LRP1B: variants seen among roughly 807,000 people sequenced by gnomAD.
The protein encoded by LRP1B is LDL receptor related protein 1B, also known as low-density lipoprotein receptor-related protein 1B.
Under a neutral mutation model 556.6 loss-of-function variants are expected in LRP1B, and 217 were observed. The ratio of observed to expected loss-of-function variants is 0.39; its 90% confidence interval spans 0.35 to 0.44. The LOEUF (loss-of-function observed/expected upper bound fraction) is 0.44, where lower values mean the gene tolerates loss of function less well. Among genes scored for constraint, LRP1B ranks in the 20% least tolerant of loss-of-function variants. The probability of loss-of-function intolerance (pLI) is 1.00; values close to 1 mark genes in which losing one functional copy is unlikely to be tolerated. For synonymous variants in LRP1B, 2,047 were observed against 1,865.8 expected, an observed-to-expected ratio of 1.10 and a Z score of -2.50; for missense variants, 5,053 against 5,620.8, an observed-to-expected ratio of 0.90 and a Z score of 3.23.
At chr2:142,053,596 A>C (rs1460322663) in intron 1 of LRP1B, among the ~76,000 whole-genome samples, 1 of 152,166 alleles carries the variant, frequency 6.6e-6, no homozygotes, top group Non-Finnish European at 1.5e-5. Context: ...TGGAACACTG[A>C]ACGTGTAGGA....
At position 141,355,567 on chromosome 2, in the gene LRP1B, T is replaced by C. The variant is rs16845894; in HGVS notation, c.344-100926A>G. Among the ~76,000 whole-genome samples, 1,112 of 152,234 alleles carry C rather than the reference T, an allele frequency of 7.3e-3. 22 individuals are homozygous for C. Among genetic ancestry groups the C allele is most frequent in the African/African-American group, 0.025 (1,055 of 41,516 alleles). On this transcript the variant is annotated intron_variant, in intron 3 of 90. Transcript: ENST00000389484. Reference sequence around the variant, plus strand: ...TTATTAAGAACTGTCAAATTTATAATCATGCTTCATGGATGAATGTTAGGA... The same window carrying C: ...TTATTAAGAACTGTCAAATTTATAACCATGCTTCATGGATGAATGTTAGGA...
At chr2:141,880,875 ATTC>A in intron 1 of LRP1B, among the ~76,000 whole-genome samples, 1 of 59,392 alleles carries the variant, frequency 1.7e-5, no homozygotes, top group South Asian at 4.6e-4. Flanking sequence ...ATGATAACTT[ATTC>A]TTATTTTGAT....
chr2:140,760,415 T>C (rs899050024), intron 35 of LRP1B, among the ~76,000 whole-genome samples: 1 of 152,128 alleles, frequency 6.6e-6, no homozygotes, highest in African/African-American at 2.4e-5. Context: ...AAGTGTACCT[T>C]GGGGTACACA....
At chr2:141,301,663 C>T (rs944658079) in intron 3 of LRP1B, among the ~76,000 whole-genome samples, 14 of 152,130 alleles carry the variant, frequency 9.2e-5, no homozygotes, top group African/African-American at 3.4e-4. Context: ...CAATTTGGAC[C>T]TGTAATAGCT....
At chr2:141,529,066 C>T (rs1360246465) in intron 2 of LRP1B, among the ~76,000 whole-genome samples, 1 of 152,166 alleles carries the variant, frequency 6.6e-6, no homozygotes, top group African/African-American at 2.4e-5. Context: ...GTGTCCGACA[C>T]TTTTTACCTG....
At chr2:141,501,675 GTAAT>G (rs1683715879) in intron 2 of LRP1B, among the ~76,000 whole-genome samples, 2 of 152,282 alleles carry the variant, frequency 1.3e-5, no homozygotes, top group African/African-American at 4.8e-5. Flanking sequence ...GCTATATACT[GTAAT>G]TAACAACCAT....
chr2:141,654,026 G>A (rs1241432165), intron 2 of LRP1B, among the ~76,000 whole-genome samples: 1 of 152,054 alleles, frequency 6.6e-6, no homozygotes, highest in African/African-American at 2.4e-5. Context: ...AAGGTTCTAA[G>A]CATGAGAAAG....
At chr2:140,994,169 T>C (rs756878222) in intron 15 of LRP1B, 34 bp from the exon 16 acceptor site, 13 of 1,590,440 alleles carry the variant, frequency 8.2e-6, no homozygotes, top group Non-Finnish European at 8.6e-6. Context: ...ATATGAATAA[T>C]GCTAGCTACA....
chr2:141,810,059 A>C (rs764933591), intron 2 of LRP1B, among the ~76,000 whole-genome samples: 1 of 151,484 alleles, frequency 6.6e-6, no homozygotes. Context: ...AAAAAAACAC[A>C]AACAAAAGGT....
intron 86 of LRP1B, among the ~76,000 whole-genome samples, chr2:140,258,634 A>C (rs995706426): frequency 2.0e-5 from 3 of 152,066 alleles, no homozygotes; most frequent in African/African-American, 7.2e-5. Flanking sequence ...TGGGTTTACT[A>C]TGTTGAAGAC....
intron 60 of LRP1B, among the ~76,000 whole-genome samples, chr2:140,460,841 C>G (rs1284744336): frequency 6.6e-6 from 1 of 151,942 alleles, no homozygotes; most frequent in African/African-American, 2.4e-5. Context: ...CTATATCTTT[C>G]AGAAGAAAAG....
chr2:140,701,639 T>G (rs1686645022), intron 40 of LRP1B, 82 bp downstream of exon 40: 2 of 1,385,212 alleles, frequency 1.4e-6, no homozygotes, highest in East Asian at 4.7e-5. Flanking sequence ...ATAGAAGAAT[T>G]TCTAAGTTTG....
chr2:141,307,454 T>A (rs909542008), intron 3 of LRP1B, among the ~76,000 whole-genome samples: 1 of 152,206 alleles, frequency 6.6e-6, no homozygotes, highest in Non-Finnish European at 1.5e-5. Context: ...TCTATTTACA[T>A]GGAATATCCT....
At chr2:140,636,340 G>C (rs528912604) in intron 41 of LRP1B, among the ~76,000 whole-genome samples, 15 of 152,182 alleles carry the variant, frequency 9.9e-5, no homozygotes, top group Admixed American at 9.8e-4. Flanking sequence ...TTAATTTGAG[G>C]TCAGAAGACA....
At chr2:140,976,061 G>C (rs970679817) in intron 18 of LRP1B, among the ~76,000 whole-genome samples, 7 of 151,956 alleles carry the variant, frequency 4.6e-5, no homozygotes, top group Admixed American at 4.6e-4. Context: ...GGGACTACAG[G>C]TACCCATCAC....
chr2:140,492,517 C>T, intron 57 of LRP1B, 91 bp downstream of exon 57: 2 of 791,280 alleles, frequency 2.5e-6, no homozygotes, highest in Non-Finnish European at 4.2e-6. Context: ...AAATATGCTT[C>T]ACAAACTCTA....
intron 66 of LRP1B, among the ~76,000 whole-genome samples, chr2:140,436,457 A>G (rs1406822967): frequency 6.6e-6 from 1 of 152,190 alleles, no homozygotes; most frequent in East Asian, 1.9e-4. Flanking sequence ...TGTTCAAAGT[A>G]TATCCTGAGA....
intron 66 of LRP1B, among the ~76,000 whole-genome samples, chr2:140,440,764 C>A (rs1398184388): frequency 1.1e-5 from 1 of 87,266 alleles, no homozygotes; most frequent in Non-Finnish European, 2.7e-5. Context: ...TGTGTGTACA[C>A]ACACTGGTCT....
chr2:141,631,358 A>G (rs985992689), intron 2 of LRP1B, among the ~76,000 whole-genome samples: 2 of 152,060 alleles, frequency 1.3e-5, no homozygotes, highest in African/African-American at 2.4e-5. Context: ...CAGCCAAACC[A>G]TATCATACCT....
Sources: allele counts gnomAD v4.1 joint callset (sites outside exome capture counted in the v4.1 genomes callset), GRCh38; gene constraint gnomAD v4.1.1; transcripts MANE v1.5; gene names NCBI Gene and HGNC (gene_info 2026-07-23, HGNC 2026-07-21).